Variants in ABTB2 observed in about 807,000 individuals in gnomAD.
ABTB2 encodes ankyrin repeat and BTB domain containing 2, also known as ankyrin repeat and BTB/POZ domain-containing protein 2.
Under a neutral mutation model 104.1 loss-of-function variants are expected in ABTB2, and 56 were observed. The ratio of observed to expected loss-of-function variants is 0.54; its 90% CI spans 0.43 to 0.67. The LOEUF (loss-of-function observed/expected upper bound fraction) is 0.67. ABTB2 is among the 30% of genes least tolerant of loss of function. ABTB2 has a pLI of 0.00. For missense variants in ABTB2, 1,279 were observed against 1,407.7 expected (o/e 0.91, Z 1.46); for synonymous variants, 606 against 608.2 (o/e 1.00, Z 0.05).
intron 1 of ABTB2, among the ~76,000 whole-genome samples, chr11:34,325,825 C>T (rs1855062686): frequency 1.3e-5 from 2 of 152,034 alleles, no homozygotes; most frequent in Non-Finnish European, 2.9e-5. Flanking sequence ...GTGGCACATG[C>T]CCGTAATCCC....
At position 34,357,999 on chromosome 11, in the gene ABTB2, G is replaced by C. The variant is rs1855490990; in HGVS notation, c.-416C>G. 1 of 173,204 alleles carries C rather than the reference G, an allele frequency of 5.8e-6. No individual in the cohort carries two copies. The highest frequency in any genetic ancestry group is 1.2e-5 in the Non-Finnish European group (1 of 82,550). The allele number at this position is 173,204 out of a possible 1,614,324, so 10.7% of individuals were successfully genotyped here. A position where few individuals can be genotyped will look rare whatever the true frequency, so the allele number is the denominator to read the frequency against. On this transcript the variant is annotated 5_prime_UTR_variant, in exon 1 of 17. Transcript: ENST00000435224. ...GGACCAGCCGGCGAGAAAGCGCTCTGCAAACTTCTGCGCTGCGCCGGCCGG... is the reference window on the plus strand; with the variant it reads ...GGACCAGCCGGCGAGAAAGCGCTCTCCAAACTTCTGCGCTGCGCCGGCCGG...
chr11:34,234,297 A>G (rs1315071318), intron 1 of ABTB2, among the ~76,000 whole-genome samples: 1 of 152,178 alleles, frequency 6.6e-6, no homozygotes, highest in African/African-American at 2.4e-5. Flanking sequence ...AGGCCTAAGG[A>G]AAGCATGGGG....
At chr11:34,271,734 A>AATACATACATAC (rs11268199) in intron 1 of ABTB2, among the ~76,000 whole-genome samples, 3 of 149,814 alleles carry the variant, frequency 2.0e-5, no homozygotes, top group Admixed American at 6.6e-5. Flanking sequence ...CCCTATCTCA[A>AATACATACATAC]ATACATACAT....
intron 9 of ABTB2, 98 bp downstream of exon 9, chr11:34,164,588 C>A: frequency 7.5e-7 from 1 of 1,337,856 alleles, no homozygotes; most frequent in Non-Finnish European, 9.6e-7. Context: ...GAAAGGTCTC[C>A]GGGCCTAGCT....
At chr11:34,317,015 C>T (rs369032455) in intron 1 of ABTB2, among the ~76,000 whole-genome samples, 11 of 152,252 alleles carry the variant, frequency 7.2e-5, no homozygotes, top group African/African-American at 1.7e-4. Flanking sequence ...GTACTCAGGG[C>T]GGTAGAGGCA....
At chr11:34,297,327 A>T (rs1344078050) in intron 1 of ABTB2, among the ~76,000 whole-genome samples, 1 of 152,232 alleles carries the variant, frequency 6.6e-6, no homozygotes, top group African/African-American at 2.4e-5. Flanking sequence ...AACTTAAAGA[A>T]TGCCAGCCAA....
At chr11:34,329,749 G>T (rs1349063543) in intron 1 of ABTB2, among the ~76,000 whole-genome samples, 1 of 152,182 alleles carries the variant, frequency 6.6e-6, no homozygotes, top group Non-Finnish European at 1.5e-5. Context: ...AAAAGAAACA[G>T]GGTCCCAAAG....
intron 1 of ABTB2, among the ~76,000 whole-genome samples, chr11:34,266,479 A>G (rs1323385272): frequency 1.3e-5 from 2 of 152,188 alleles, no homozygotes; most frequent in East Asian, 1.9e-4. Context: ...AATCCCTGCC[A>G]GCCCTGACAC....
intron 1 of ABTB2, among the ~76,000 whole-genome samples, chr11:34,309,706 T>C (rs766900500): frequency 6.6e-6 from 1 of 152,106 alleles, no homozygotes; most frequent in Non-Finnish European, 1.5e-5. Context: ...AAACAAACTT[T>C]TGGTTAACTA....
chr11:34,184,566 C>A (rs1327866890), intron 3 of ABTB2, among the ~76,000 whole-genome samples: 1 of 152,234 alleles, frequency 6.6e-6, no homozygotes, highest in African/African-American at 2.4e-5. Flanking sequence ...TGGGCCTCCA[C>A]CCCTCCTCGC....
chr11:34,304,552 G>A (rs947743960), intron 1 of ABTB2, among the ~76,000 whole-genome samples: 1 of 152,154 alleles, frequency 6.6e-6, no homozygotes, highest in African/African-American at 2.4e-5. Flanking sequence ...TAGGCATAGG[G>A]GCTCACGCCT....
At chr11:34,279,935 C>T (rs919058335) in intron 1 of ABTB2, among the ~76,000 whole-genome samples, 9 of 151,734 alleles carry the variant, frequency 5.9e-5, no homozygotes, top group Non-Finnish European at 1.2e-4. Context: ...ACTACAGGTG[C>T]GTGCCACCAC....
chr11:34,227,368 C>G (rs972837305), intron 1 of ABTB2, among the ~76,000 whole-genome samples: 11 of 151,930 alleles, frequency 7.2e-5, no homozygotes, highest in African/African-American at 2.7e-4. Context: ...TTAGAAAGCA[C>G]TAAGCTATTT....
intron 1 of ABTB2, among the ~76,000 whole-genome samples, chr11:34,291,222 CT>C (rs1456198864): frequency 2.0e-5 from 3 of 152,182 alleles, no homozygotes; most frequent in Non-Finnish European, 4.4e-5. Flanking sequence ...ACAATAGTCT[CT>C]TTTTCTAATT....
At chr11:34,268,391 A>T (rs1340183680) in intron 1 of ABTB2, among the ~76,000 whole-genome samples, 7 of 152,242 alleles carry the variant, frequency 4.6e-5, no homozygotes, top group African/African-American at 1.7e-4. Context: ...CTCTTAGTGG[A>T]TGCTAGGGAT....
At chr11:34,282,602 C>CT (rs1159940741) in intron 1 of ABTB2, among the ~76,000 whole-genome samples, 8 of 152,030 alleles carry the variant, frequency 5.3e-5, no homozygotes, top group African/African-American at 1.9e-4. Context: ...TCTTGGCTCA[C>CT]TGCACCCTCC....
At chr11:34,164,002 A>T (rs1852759232) in intron 9 of ABTB2, among the ~76,000 whole-genome samples, 1 of 151,988 alleles carries the variant, frequency 6.6e-6, no homozygotes, top group Non-Finnish European at 1.5e-5. Context: ...AGACAGCTGG[A>T]GAGAAAAGCA....
chr11:34,232,066 T>C (rs1288097556), intron 1 of ABTB2, among the ~76,000 whole-genome samples: 2 of 152,182 alleles, frequency 1.3e-5, no homozygotes, highest in African/African-American at 2.4e-5. Flanking sequence ...TAAAGAAGTA[T>C]GAACTTTAGT....
chr11:34,290,503 C>T (rs1854555280), intron 1 of ABTB2, among the ~76,000 whole-genome samples: 2 of 152,276 alleles, frequency 1.3e-5, no homozygotes, highest in Admixed American at 6.5e-5. Context: ...CCACATATGG[C>T]AGATATGAAA....
Sources: allele counts gnomAD v4.1 joint callset (sites outside exome capture counted in the v4.1 genomes callset), GRCh38; gene constraint gnomAD v4.1.1; transcripts MANE v1.5; gene names NCBI Gene and HGNC (gene_info 2026-07-23, HGNC 2026-07-21).